The following ST6GALNAC6 variants were observed in gnomAD, a reference collection of about 807,000 sequenced individuals.
ST6GALNAC6 encodes the protein ST6 N-acetylgalactosaminide alpha-2,6-sialyltransferase 6, also known as alpha-N-acetylgalactosaminide alpha-2,6-sialyltransferase 6.
Under a neutral mutation model 34.3 loss-of-function variants are expected in ST6GALNAC6, and 19 were observed. That is an observed-to-expected ratio of 0.55 (90% CI 0.39 to 0.81). The LOEUF is 0.81. Ranked by LOEUF, ST6GALNAC6 falls within the 40% of genes least tolerant of loss-of-function variation. ST6GALNAC6 has a pLI of 0.00. For synonymous variants in ST6GALNAC6, 185 were observed against 182.1 expected (o/e 1.02, Z -0.13); for missense variants, 377 against 467.7 (o/e 0.81, Z 1.79).
At chr9:127,899,466 CG>C in intron 1 of ST6GALNAC6, 36 bp downstream of exon 1, 2 of 932,730 alleles carry the variant, frequency 2.1e-6, no homozygotes, top group Non-Finnish European at 2.5e-6. Context: ...CCTCCGCCCC[CG>C]CCCCCGCGGC....
At position 127,886,261 on chromosome 9, in the gene ST6GALNAC6, G is replaced by A; in HGVS notation, c.*338C>T. The A allele has an allele frequency of 2.2e-6, 1 of 463,318 alleles. No individual in the cohort carries two copies. The highest frequency in any genetic ancestry group is 3.6e-6 in the Non-Finnish European group (1 of 276,096). The allele number at this position is 463,318 out of a possible 1,614,324, so 28.7% of individuals were successfully genotyped here. A position where few individuals can be genotyped will look rare whatever the true frequency, so the allele number is the denominator to read the frequency against. ...CCAGGAGAGTGGGGAGTGATTGGGG[G>A]GTCCATTCCTGGGGCTCTGAACCAA... On this transcript the variant is annotated 3_prime_UTR_variant, in exon 7 of 7. Transcript: ENST00000373146.
chr9:127,888,145 C>G (rs1334511614), intron 5 of ST6GALNAC6, among the ~76,000 whole-genome samples: 2 of 152,176 alleles, frequency 1.3e-5, no homozygotes, highest in South Asian at 2.1e-4. Flanking sequence ...CGTGGTGGTT[C>G]ATACCTGTAA....
At chr9:127,897,798 G>GC in intron 2 of ST6GALNAC6, 158 bp downstream of exon 2, 3 of 1,500,962 alleles carry the variant, frequency 2.0e-6, no homozygotes, top group Non-Finnish European at 1.8e-6. Context: ...TCCTGCGGAT[G>GC]CCCCCTGCCC....
upstream of ST6GALNAC6, chr9:127,905,978 C>G: frequency 1.0e-6 from 1 of 985,638 alleles, no homozygotes; most frequent in Non-Finnish European, 1.2e-6. Flanking sequence ...CGTGCTGTGG[C>G]TCCGCTGCCA....
upstream of ST6GALNAC6, among the ~76,000 whole-genome samples, chr9:127,901,027 T>G (rs891233283): frequency 3.1e-5 from 4 of 129,628 alleles, no homozygotes; most frequent in Admixed American, 7.8e-5. Context: ...AAAACTGTCT[T>G]GGAAACAAAG....
Position 127,886,335 on chromosome 9 carries a change from A to G in ST6GALNAC6, c.*264T>C, listed in dbSNP as rs1029835202. The G allele has an allele frequency of 7.2e-6, 7 of 966,422 alleles. No homozygotes were observed. Among genetic ancestry groups the G allele is most frequent in the Non-Finnish European group, 1.0e-5 (7 of 694,362 alleles). The allele number at this position is 966,422 out of a possible 1,614,324, so 59.9% of individuals were successfully genotyped here. ...CTTAGCCTCAGATTGACTCAGAAAT[A>G]CCCCCTCTACCCTGATTGACTGTGC... On this transcript the variant is annotated 3_prime_UTR_variant, in exon 7 of 7. Coordinates refer to ENST00000373146, the MANE Select transcript of ST6GALNAC6 (RefSeq NM_013443.5).
chr9:127,906,063 G>A, upstream of ST6GALNAC6: 17 of 975,730 alleles, frequency 1.7e-5, no homozygotes, highest in Non-Finnish European at 2.1e-5. Flanking sequence ...GGTCCACCTG[G>A]CACTGGGCAG....
upstream of ST6GALNAC6, chr9:127,905,419 G>A (rs1342979300): frequency 1.3e-5 from 13 of 985,416 alleles, no homozygotes; most frequent in East Asian, 7.9e-4. Context: ...TACCCCACCC[G>A]AGGGTAGGGC....
At position 127,890,553 on chromosome 9, in the gene ST6GALNAC6, T is replaced by A. The variant is rs1325420146; in HGVS notation, c.704+84A>T. Reference sequence around the variant, plus strand: ...CTTGACTACCCCTCAGAGCAGTGCATGCTGGGAGCAACAGGCCCTCTGGAT... The same window carrying A: ...CTTGACTACCCCTCAGAGCAGTGCAAGCTGGGAGCAACAGGCCCTCTGGAT... On this transcript the variant is annotated intron_variant, in intron 5 of 6. Coordinates refer to ENST00000373146, the MANE Select transcript of ST6GALNAC6 (RefSeq NM_013443.5). This position sits in a 1 kb window ranked among gnomAD's most constrained non-coding sequence, Gnocchi z 4.3. 6.3e-7 allele frequency: 1 copy of A among 1,588,280 alleles called. No homozygotes were observed. Among genetic ancestry groups the A allele is most frequent in the Non-Finnish European group, 8.6e-7 (1 of 1,164,194 alleles).
At position 127,885,857 on chromosome 9, in the gene ST6GALNAC6, G is replaced by C. The variant is rs1382444491; in HGVS notation, c.*742C>G. On this transcript the variant is annotated 3_prime_UTR_variant, in exon 7 of 7. Transcript: ENST00000373146. ...CCTAAAGTTTTCCAGGAGGTGGGGAGGTCACCCCAGACCCCCCAAAGAGCT... is the reference window on the plus strand; with the variant it reads ...CCTAAAGTTTTCCAGGAGGTGGGGACGTCACCCCAGACCCCCCAAAGAGCT... The C allele has an allele frequency of 3.9e-5, 6 of 152,224 alleles. No homozygotes were observed. Among genetic ancestry groups the C allele is most frequent in the Non-Finnish European group, 7.3e-5 (5 of 68,104 alleles). 9.4% of individuals were successfully genotyped at this position (152,224 alleles called of 1,614,324 possible).
chr9:127,891,085 G>A (rs1830108622), intron 4 of ST6GALNAC6, 42 bp from the exon 5 acceptor site: 1 of 1,599,548 alleles, frequency 6.3e-7, no homozygotes. Flanking sequence ...GCCACTCTGT[G>A]CTGGCCCTGT....
intron 6 of ST6GALNAC6, among the ~76,000 whole-genome samples, chr9:127,887,166 C>T (rs1829823604): frequency 6.6e-6 from 1 of 152,082 alleles, no homozygotes; most frequent in Admixed American, 6.6e-5. Flanking sequence ...CGTAAGGTTG[C>T]TGTGAGGAGT....
At chr9:127,899,104 G>A (rs1830640762) in intron 1 of ST6GALNAC6, among the ~76,000 whole-genome samples, 1 of 152,226 alleles carries the variant, frequency 6.6e-6, no homozygotes, top group Admixed American at 6.5e-5. Flanking sequence ...GGGAGAAGGG[G>A]GAGGGGGGCT....
At chr9:127,900,414 G>A (rs1830706450), upstream of ST6GALNAC6, among the ~76,000 whole-genome samples, 1 of 151,916 alleles carries the variant, frequency 6.6e-6, no homozygotes, top group Non-Finnish European at 1.5e-5. Context: ...TACAAAATTA[G>A]CCTGGCGTGG....
chr9:127,896,174 C>T (rs1397193202), intron 3 of ST6GALNAC6, 68 bp downstream of exon 3: 2 of 1,562,928 alleles, frequency 1.3e-6, no homozygotes, highest in Admixed American at 1.7e-5. Context: ...TGAGACAGGT[C>T]CAAAGGAACC....
upstream of ST6GALNAC6, among the ~76,000 whole-genome samples, chr9:127,902,564 A>ACATTATTATTAT (rs1482525048): frequency 2.1e-5 from 3 of 140,756 alleles, no homozygotes; most frequent in African/African-American, 5.8e-5. Flanking sequence ...GATAATGGTC[A>ACATTATTATTAT]CATTATTATT....
At chr9:127,903,132 G>C (rs1830819725), upstream of ST6GALNAC6, 1 of 151,228 alleles carries the variant, frequency 6.6e-6, no homozygotes, top group African/African-American at 2.4e-5. Context: ...CGAGTAGCTG[G>C]GACTACAGGT....
At chr9:127,905,068 GAGGAAGTAGGGTAGGTCCTCA>G (rs1214305955) in intron 1 of ST6GALNAC6, 1 of 336,538 alleles carries the variant, frequency 3.0e-6, no homozygotes, top group African/African-American at 2.2e-5. Flanking sequence ...TCTGGGCTTG[GAGGAAGTAGGGTAGGTCCTCA>G]GCCACTCTGC....
Position 127,886,635 on chromosome 9 carries a change from C to T in ST6GALNAC6, c.966G>A (p.Leu322=), listed in dbSNP as rs749251430. The change falls in exon 7 of 7, where the codon CTG becomes CTA. Residue 322 remains leucine, a synonymous_variant. Transcript: ENST00000373146. ...EKRVFSSWAQ[L]YGITFSHPSW... ...AGGGGTGGGAGAAGGTGATGCCATA[C>T]AGCTGGGCCCACGATGAGAAGACCC... 2 of 1,613,694 alleles carry T rather than the reference C, an allele frequency of 1.2e-6. No individual in the cohort carries two copies. The highest frequency in any genetic ancestry group is 1.7e-5 in the Admixed American group (1 of 59,950).
Sources: gnomAD v4.1 joint callset for allele counts (sites outside exome capture counted in the v4.1 genomes callset) on GRCh38, gnomAD v4.1.1 for gene constraint, Gnocchi (gnomAD v3.1) non-coding constraint, MANE v1.5 for transcripts, NCBI Gene and HGNC (gene_info 2026-07-23, HGNC 2026-07-21) for gene names.